Variants in TMEM131 observed in about 807,000 individuals in gnomAD.
TMEM131 encodes transmembrane protein 131.
TMEM131 carries 66 observed loss-of-function variants against 211.6 expected under a neutral mutation model. That is an observed-to-expected ratio of 0.31 (90% CI 0.26 to 0.38). The LOEUF (loss-of-function observed/expected upper bound fraction) is 0.38. Among genes scored for constraint, TMEM131 ranks in the 10% least tolerant of loss-of-function variants. TMEM131 has a pLI of 1.00. For synonymous variants in TMEM131, 844 were observed against 841.3 expected (o/e 1.00, Z -0.06); for missense variants, 2,036 against 2,299.3 (o/e 0.89, Z 2.34).
chr2:97,760,928 C>T lies in TMEM131; in HGVS notation c.4890-14G>A. ...ATTTTAGGGTCACTTGAAAAAGAAG[C>T]AAAGAGAGAACTCATTCCTCATCAG... On this transcript the variant is annotated splice_polypyrimidine_tract_variant and intron_variant, in intron 36 of 40. Coordinates refer to ENST00000186436, the MANE Select transcript of TMEM131 (RefSeq NM_015348.2). 6.2e-7 allele frequency: 1 copy of T among 1,613,770 alleles called. No homozygotes were observed. The highest frequency in any genetic ancestry group is 8.5e-7 in the Non-Finnish European group (1 of 1,179,796).
chr2:97,780,757 T>C (rs1415158125), intron 31 of TMEM131, among the ~76,000 whole-genome samples: 2 of 152,154 alleles, frequency 1.3e-5, no homozygotes, highest in African/African-American at 4.8e-5. Context: ...GCAGGATGTC[T>C]CCCAGCTGTA....
chr2:97,937,785 A>G (rs1405549415), intron 1 of TMEM131, among the ~76,000 whole-genome samples: 1 of 152,208 alleles, frequency 6.6e-6, no homozygotes, highest in Non-Finnish European at 1.5e-5. Context: ...ACTTTCAAAC[A>G]TGGGTAGAAC....
At chr2:97,815,499 C>G (rs756955979) in intron 12 of TMEM131, among the ~76,000 whole-genome samples, 192 bp from the exon 13 acceptor site, 43 of 152,010 alleles carry the variant, frequency 2.8e-4, no homozygotes, top group South Asian at 1.5e-3. Context: ...TTTTATATTT[C>G]CTGTAATAAG....
chr2:97,759,370 G>A lies in TMEM131; in HGVS notation c.5206+282C>T, dbSNP rs1287563419. The stretch of plus-strand genomic sequence containing the variant: ...AAGAGGACCCCTGGCACACTCAGGG[G>A]TCCCATTTCAGACCAGAACCCTTCT... On this transcript the variant is annotated intron_variant, in intron 39 of 40. Coordinates refer to ENST00000186436, the MANE Select transcript of TMEM131 (RefSeq NM_015348.2). The A allele has an allele frequency of 4.0e-5, 21 of 526,892 alleles. No individual in the cohort carries two copies. In the East Asian group the frequency reaches 6.2e-4, roughly 16 times the overall value. The allele number at this position is 526,892 out of a possible 1,614,324, so 32.6% of individuals were successfully genotyped here. A position where few individuals can be genotyped will look rare whatever the true frequency, so the allele number is the denominator to read the frequency against.
chr2:97,961,446 G>C (rs901233264), intron 1 of TMEM131, among the ~76,000 whole-genome samples: 5 of 152,234 alleles, frequency 3.3e-5, no homozygotes, highest in South Asian at 2.1e-4. Context: ...GATGAATCTT[G>C]TTTGGGATTA....
At chr2:97,863,571 G>A (rs901725487) in intron 4 of TMEM131, among the ~76,000 whole-genome samples, 1 of 151,980 alleles carries the variant, frequency 6.6e-6, no homozygotes, top group African/African-American at 2.4e-5. Context: ...CTAATAACCT[G>A]GTTAAAACAT....
intron 11 of TMEM131, chr2:97,827,238 C>T (rs796311435): frequency 3.1e-5 from 24 of 767,404 alleles, no homozygotes; most frequent in Middle Eastern, 2.4e-4. Flanking sequence ...GCGCCTTCCC[C>T]GCCGCCAGGA....
At chr2:97,978,362 A>G (rs1679637621) in intron 1 of TMEM131, among the ~76,000 whole-genome samples, 1 of 152,182 alleles carries the variant, frequency 6.6e-6, no homozygotes. Context: ...ATCTATAAGA[A>G]GCAACTCTTC....
Position 97,756,909 on chromosome 2 carries a change from CATGTT to C in TMEM131, c.*185_*189del, listed in dbSNP as rs1678513487. 3 of 616,708 alleles carry C rather than the reference CATGTT, an allele frequency of 4.9e-6. No homozygotes were observed. Among genetic ancestry groups the C allele is most frequent in the Non-Finnish European group, 7.8e-6 (3 of 386,314 alleles). 38.2% of individuals were successfully genotyped at this position (616,708 alleles called of 1,614,324 possible). On this transcript the variant is annotated 3_prime_UTR_variant, in exon 41 of 41. Transcript: ENST00000186436. ...TCTCTAAAAGCACAACAGCAAATCT[CATGTT>C]ATCATAATTGCAAGAAAGATCTGAA... is the stretch of plus-strand genomic sequence containing the variant.
In TMEM131 at chr2:97,927,573, A is replaced by C. The variant is rs561016128; in HGVS notation, c.188-86T>G. On this transcript the variant is annotated intron_variant, in intron 1 of 40. Coordinates refer to ENST00000186436, the MANE Select transcript of TMEM131 (RefSeq NM_015348.2). ...CTTTGACTTTAAAGTTAATTAATAT[A>C]ATTTTATATCTAAAAATGGACTGCT... The C allele has an allele frequency of 3.1e-3, 3,478 of 1,117,538 alleles. 24 individuals are homozygous for C. The highest frequency in any genetic ancestry group is 3.2e-3 in the Non-Finnish European group (2,629 of 821,978). 69.2% of individuals were successfully genotyped at this position (1,117,538 alleles called of 1,614,324 possible).
Position 97,797,390 on chromosome 2 carries a change from T to G in TMEM131, c.2845A>C (p.Thr949Pro). 1 of 1,610,252 alleles carries G rather than the reference T, an allele frequency of 6.2e-7. No individual in the cohort carries two copies. The highest frequency in any genetic ancestry group is 8.5e-7 in the Non-Finnish European group (1 of 1,179,010). The change falls in exon 26 of 41, where the codon ACT becomes CCT. Residue 949 changes from threonine to proline, a missense_variant. By Grantham distance (38) the Thr-to-Pro change is conservative (BLOSUM62 -1). This residue lies in a region of TMEM131 where 1,623 missense variants were observed against 1,805.9 expected (regional missense o/e 0.90). Coordinates refer to ENST00000186436, the MANE Select transcript of TMEM131 (RefSeq NM_015348.2). The part of the protein sequence containing the change: ...KVKFTPVHNR[T>P]VSSLIIVRNN... ...CTGACTATGATAAGTGAAGAAACAG[T>G]TCTGTTGTGAACTGGAGTAAACTTT...
intron 31 of TMEM131, among the ~76,000 whole-genome samples, chr2:97,784,641 A>T (rs991512430): frequency 3.3e-5 from 5 of 151,722 alleles, no homozygotes; most frequent in Non-Finnish European, 1.5e-5. Flanking sequence ...GCATACATAA[A>T]ACGGGGGGGA....
At chr2:97,936,445 AC>A (rs2104472751) in intron 1 of TMEM131, among the ~76,000 whole-genome samples, 1 of 152,326 alleles carries the variant, frequency 6.6e-6, no homozygotes, top group African/African-American at 2.4e-5. Flanking sequence ...ACAGCTGTCA[AC>A]TGCCCGGCTG....
chr2:97,796,149 GA>G, intron 28 of TMEM131, 68 bp downstream of exon 28: 1 of 934,198 alleles, frequency 1.1e-6, no homozygotes, highest in Non-Finnish European at 1.5e-6. Context: ...TGGTAAATAT[GA>G]AAACATATCT....
chr2:97,804,861 T>C (rs1681215592), intron 22 of TMEM131, among the ~76,000 whole-genome samples: 1 of 152,096 alleles, frequency 6.6e-6, no homozygotes, highest in South Asian at 2.1e-4. Flanking sequence ...GTGTAAGAAA[T>C]ATCTAAAGCA....
In TMEM131 at chr2:97,757,178, G is replaced by A. The variant is rs774379346; in HGVS notation, c.5573C>T (p.Pro1858Leu). 1.9e-6 allele frequency: 3 copies of A among 1,613,944 alleles called. No homozygotes were observed. The highest frequency in any genetic ancestry group is 2.2e-5 in the East Asian group (1 of 44,882). The change falls in exon 41 of 41, where the codon CCG becomes CTG. Residue 1858 changes from proline to leucine, a missense_variant. This residue lies in a region of TMEM131 where 1,623 missense variants were observed against 1,805.9 expected (regional missense o/e 0.90). Coordinates refer to ENST00000186436, the MANE Select transcript of TMEM131 (RefSeq NM_015348.2). ...AATCGTGGGGCTCCATATCCGCCAC[G>A]GGTTGTAGGTCTGTCCCAAGTCGTC... ...PADDLGQTYN[P>L]WRIWSPTIGR...
intron 1 of TMEM131, among the ~76,000 whole-genome samples, chr2:97,954,297 A>G (rs1004466521): frequency 3.3e-5 from 5 of 152,270 alleles, no homozygotes; most frequent in African/African-American, 1.2e-4. Context: ...GAAGACACAA[A>G]GCACAACCAT....
intron 15 of TMEM131, among the ~76,000 whole-genome samples, chr2:97,813,461 CTGCT>C (rs1266120937): frequency 1.3e-5 from 2 of 152,120 alleles, no homozygotes; most frequent in African/African-American, 4.8e-5. Context: ...ATTTTTCCCC[CTGCT>C]TATTTTCTGT....
intron 2 of TMEM131, among the ~76,000 whole-genome samples, chr2:97,922,418 T>C (rs1249293898): frequency 3.3e-5 from 5 of 152,132 alleles, no homozygotes; most frequent in Non-Finnish European, 7.3e-5. Context: ...TATATTATGT[T>C]CACCAAGAGA....
Sources: allele counts gnomAD v4.1 joint callset (sites outside exome capture counted in the v4.1 genomes callset), GRCh38; gene constraint gnomAD v4.1.1; regional missense constraint gnomAD v4.1.1; transcripts MANE v1.5; gene names NCBI Gene and HGNC (gene_info 2026-07-23, HGNC 2026-07-21).